The following YWHAE variants were observed in gnomAD, a reference collection of about 807,000 sequenced individuals.
YWHAE encodes the protein tyrosine 3-monooxygenase/tryptophan 5-monooxygenase activation protein epsilon.
YWHAE carries 4 observed loss-of-function variants against 30.1 expected under a neutral mutation model. The observed-to-expected ratio is 0.13, with a 90% CI of 0.07 to 0.30. The LOEUF (loss-of-function observed/expected upper bound fraction) is 0.30, where lower values mean the gene tolerates loss of function less well. Ranked by LOEUF, YWHAE falls within the 10% of genes least tolerant of loss-of-function variation. The pLI is 1.00. For synonymous variants in YWHAE, 118 were observed against 111.8 expected, an observed-to-expected ratio of 1.06 and a Z score of -0.35; for missense variants, 121 against 315.9, an observed-to-expected ratio of 0.38 and a Z score of 4.68.
intron 5 of YWHAE, chr17:1,348,104 A>G (rs2072557228): frequency 3.6e-6 from 2 of 548,114 alleles, no homozygotes; most frequent in Non-Finnish European, 4.7e-6. Context: ...AAACAATGAT[A>G]CAGGAGCCGG....
intron 1 of YWHAE, among the ~76,000 whole-genome samples, chr17:1,367,981 T>C (rs2072970553): frequency 6.6e-6 from 1 of 152,208 alleles, no homozygotes; most frequent in Non-Finnish European, 1.5e-5. Flanking sequence ...TTGGGTGCTG[T>C]GGCTCACACC....
intron 5 of YWHAE, 94 bp from the exon 6 acceptor site, chr17:1,345,593 T>C: frequency 7.6e-7 from 1 of 1,307,988 alleles, no homozygotes. Flanking sequence ...ATAAAGACTC[T>C]TCTACTTGCT....
At chr17:1,357,330 G>T (rs969939638) in intron 4 of YWHAE, among the ~76,000 whole-genome samples, 1 of 150,076 alleles carries the variant, frequency 6.7e-6, no homozygotes, top group Non-Finnish European at 1.5e-5. Flanking sequence ...GTGAACCCGG[G>T]AGGCAGAGCT....
intron 5 of YWHAE, 103 bp downstream of exon 5, chr17:1,354,108 T>G (rs2072686974): frequency 2.1e-6 from 3 of 1,437,386 alleles, no homozygotes. Context: ...GCGGTGAATC[T>G]AAATTCTAGC....
intron 1 of YWHAE, among the ~76,000 whole-genome samples, chr17:1,398,339 C>A (rs957009306): frequency 1.1e-5 from 1 of 92,598 alleles, no homozygotes; most frequent in Non-Finnish European, 2.0e-5. Flanking sequence ...TCTTATCCCC[C>A]CCCCCAACAG....
At chr17:1,393,993 A>T (rs1264986319) in intron 1 of YWHAE, among the ~76,000 whole-genome samples, 1 of 152,190 alleles carries the variant, frequency 6.6e-6, no homozygotes, top group East Asian at 1.9e-4. Context: ...TGTGAAGTAG[A>T]TGCTATTAGA....
At chr17:1,365,186 T>C in intron 1 of YWHAE, 128 bp from the exon 2 acceptor site, 1 of 1,076,446 alleles carries the variant, frequency 9.3e-7, no homozygotes, top group Non-Finnish European at 1.3e-6. Flanking sequence ...TTCATAATCA[T>C]CAAAACTAAT....
chr17:1,369,220 C>T (rs558298239), intron 1 of YWHAE, among the ~76,000 whole-genome samples: 4 of 152,050 alleles, frequency 2.6e-5, no homozygotes, highest in Non-Finnish European at 5.9e-5. Context: ...GTGTACTATT[C>T]GGCCGGGAGC....
At chr17:1,382,501 C>G (rs530035710) in intron 1 of YWHAE, among the ~76,000 whole-genome samples, 4 of 151,604 alleles carry the variant, frequency 2.6e-5, no homozygotes, top group Non-Finnish European at 5.9e-5. Flanking sequence ...GGACTACAGG[C>G]GCCCACCACC....
intron 1 of YWHAE, among the ~76,000 whole-genome samples, chr17:1,398,267 T>C (rs2073504005): frequency 6.6e-6 from 1 of 152,042 alleles, no homozygotes; most frequent in South Asian, 2.1e-4. Context: ...AGCACATTCA[T>C]ATCTCTTTGA....
chr17:1,354,917 A>G (rs914915942), intron 4 of YWHAE, among the ~76,000 whole-genome samples: 2 of 143,088 alleles, frequency 1.4e-5, no homozygotes, highest in African/African-American at 2.5e-5. Context: ...CAGCCTCAGC[A>G]TCCCAAAGTG....
At chr17:1,394,875 G>T (rs1028328909) in intron 1 of YWHAE, among the ~76,000 whole-genome samples, 39 of 152,086 alleles carry the variant, frequency 2.6e-4, no homozygotes, top group Non-Finnish European at 5.9e-5. Flanking sequence ...GCAGAGGCAG[G>T]AGAATCGCTT....
chr17:1,375,804 T>A (rs1598256873), intron 1 of YWHAE, among the ~76,000 whole-genome samples: 1 of 152,230 alleles, frequency 6.6e-6, no homozygotes, highest in African/African-American at 2.4e-5. Flanking sequence ...GTTTTTCCCC[T>A]TGACTTGTTA....
intron 4 of YWHAE, among the ~76,000 whole-genome samples, chr17:1,359,949 GGAGAGAGGGGGA>G (rs2072835242): frequency 2.7e-5 from 2 of 74,626 alleles, no homozygotes; most frequent in African/African-American, 5.1e-5. Context: ...GGGGAGGGGG[GGAGAGAGGGGGA>G]GAGAGAGAGA....
At chr17:1,395,770 G>A (rs1006239163) in intron 1 of YWHAE, among the ~76,000 whole-genome samples, 5 of 152,138 alleles carry the variant, frequency 3.3e-5, no homozygotes, top group African/African-American at 1.2e-4. Flanking sequence ...TCCCTTCCCT[G>A]TTCTTCACTA....
chr17:1,369,308 A>C (rs1476978229), intron 1 of YWHAE, among the ~76,000 whole-genome samples: 1 of 152,112 alleles, frequency 6.6e-6, no homozygotes, highest in Non-Finnish European at 1.5e-5. Flanking sequence ...AGCCTGGCCA[A>C]CATAGTAAAA....
intron 5 of YWHAE, among the ~76,000 whole-genome samples, chr17:1,350,662 A>C (rs970211114): frequency 6.7e-6 from 1 of 149,784 alleles, no homozygotes; most frequent in African/African-American, 2.5e-5. Flanking sequence ...GGCTGGTCTC[A>C]AACTCCTGAC....
chr17:1,367,924 G>A (rs2072970011), intron 1 of YWHAE, among the ~76,000 whole-genome samples: 1 of 152,162 alleles, frequency 6.6e-6, no homozygotes, highest in African/African-American at 2.4e-5. Context: ...TACACCTCAA[G>A]CTGATTTTTT....
intron 4 of YWHAE, among the ~76,000 whole-genome samples, chr17:1,357,437 G>A (rs538527569): frequency 1.6e-4 from 24 of 150,422 alleles, no homozygotes; most frequent in Admixed American, 2.0e-4. Flanking sequence ...AAAATTAACC[G>A]GGCGTGGTGG....
Sources: gnomAD v4.1 joint callset for allele counts (sites outside exome capture counted in the v4.1 genomes callset) on GRCh38, gnomAD v4.1.1 for gene constraint, MANE v1.5 for transcripts, NCBI Gene and HGNC (gene_info 2026-07-23, HGNC 2026-07-21) for gene names.